Variants in ARHGAP24 observed in about 807,000 individuals in gnomAD.
ARHGAP24 encodes rho GTPase-activating protein 24.
In ARHGAP24, 50 loss-of-function variants were observed where a neutral mutation model predicts 76.4. That is an observed-to-expected ratio of 0.65 (90% CI 0.52 to 0.83). ARHGAP24 has a LOEUF of 0.83. Among genes scored for constraint, ARHGAP24 ranks in the 40% least tolerant of loss-of-function variants. The pLI, the probability that ARHGAP24 is intolerant of heterozygous loss-of-function variation, is 0.00. For synonymous variants in ARHGAP24, 345 were observed against 323.3 expected (o/e 1.07, Z -0.72); for missense variants, 930 against 914.2 (o/e 1.02, Z -0.22).
In ARHGAP24 at chr4:85,737,401, A is replaced by G. The variant is rs994876373; in HGVS notation, c.268+15429A>G. On this transcript the variant is annotated intron_variant, in intron 3 of 9. Coordinates refer to ENST00000395184, the MANE Select transcript of ARHGAP24 (RefSeq NM_001025616.3). ...AACACAAAGCCTCAAAGCCATCACT[A>G]TACTACTGTTGGGATGACTCTTAAT... is the stretch of plus-strand genomic sequence containing the variant. 2.6e-5 allele frequency among the ~76,000 whole-genome samples: 4 copies of G among 152,164 alleles called. 1 individual carries two copies. Among genetic ancestry groups the G allele is most frequent in the Admixed American group, 2.6e-4 (4 of 15,276 alleles).
At chr4:85,755,248 G>A (rs1251655908) in intron 3 of ARHGAP24, among the ~76,000 whole-genome samples, 3 of 152,098 alleles carry the variant, frequency 2.0e-5, no homozygotes, top group African/African-American at 7.2e-5. Context: ...TACTTATGGG[G>A]ACAATTCTCC....
chr4:85,962,287 A>T (rs1738304951), intron 5 of ARHGAP24, among the ~76,000 whole-genome samples: 1 of 152,098 alleles, frequency 6.6e-6, no homozygotes, highest in South Asian at 2.1e-4. Context: ...AGGTTAGGAA[A>T]ATAGTGTACC....
chr4:85,514,757 A>G (rs534204748), intron 1 of ARHGAP24, among the ~76,000 whole-genome samples: 2 of 130,592 alleles, frequency 1.5e-5, no homozygotes, highest in Admixed American at 9.9e-5. Context: ...CACTTGTCCC[A>G]CTTGCCCAAC....
Position 86,000,977 on chromosome 4 carries a change from G to A in ARHGAP24, c.*255G>A. 1.9e-6 allele frequency: 1 copy of A among 515,726 alleles called. No individual in the cohort carries two copies. Among genetic ancestry groups the A allele is most frequent in the East Asian group, 3.2e-5 (1 of 31,448 alleles). The allele number at this position is 515,726 out of a possible 1,614,324, so 31.9% of individuals were successfully genotyped here. On this transcript the variant is annotated 3_prime_UTR_variant, in exon 10 of 10. Coordinates refer to ENST00000395184, the MANE Select transcript of ARHGAP24 (RefSeq NM_001025616.3). ...TTTTTCAAAAGTAAACTAAAAATGAGAAGCATATTTCAAGAATTATTTTAT... is the reference window on the plus strand; with the variant it reads ...TTTTTCAAAAGTAAACTAAAAATGAAAAGCATATTTCAAGAATTATTTTAT...
At chr4:85,863,691 G>T (rs1732028548) in intron 3 of ARHGAP24, among the ~76,000 whole-genome samples, 1 of 152,164 alleles carries the variant, frequency 6.6e-6, no homozygotes, top group Admixed American at 6.6e-5. Flanking sequence ...GTAACTTTTA[G>T]TGTTAATTAA....
At chr4:85,998,538 C>CA (rs1488222614) in intron 9 of ARHGAP24, among the ~76,000 whole-genome samples, 5 of 151,906 alleles carry the variant, frequency 3.3e-5, no homozygotes, top group Non-Finnish European at 7.4e-5. Flanking sequence ...TTCATCTTCC[C>CA]ACCTTCTCAA....
Position 86,000,681 on chromosome 4 carries a change from C to T in ARHGAP24, c.2206C>T (p.Pro736Ser). 6.2e-7 allele frequency: 1 copy of T among 1,613,884 alleles called. No individual in the cohort carries two copies. The highest frequency in any genetic ancestry group is 8.5e-7 in the Non-Finnish European group (1 of 1,179,914). Residue 736 changes from proline to serine, a missense_variant, in exon 10 of 10, where the codon CCC (proline) becomes TCC (serine). Physicochemically the swap from Pro to Ser is moderately conservative, Grantham distance 74. Transcript: ENST00000395184. ...FSTFGELTVE[P>S]RRTERGNTIW... ...CACGTTTGGAGAACTGACAGTGGAACCCAGGAGAACCGAGAGAGGAAACAC... is the reference window on the plus strand; with the variant it reads ...CACGTTTGGAGAACTGACAGTGGAATCCAGGAGAACCGAGAGAGGAAACAC...
intron 1 of ARHGAP24, among the ~76,000 whole-genome samples, chr4:85,562,196 A>T (rs1351230092): frequency 6.6e-6 from 1 of 152,236 alleles, no homozygotes; most frequent in African/African-American, 2.4e-5. Context: ...TTTCTAAAAG[A>T]AAATGCTAAT....
intron 3 of ARHGAP24, among the ~76,000 whole-genome samples, chr4:85,767,414 C>T (rs1039859851): frequency 3.3e-5 from 5 of 152,108 alleles, no homozygotes; most frequent in African/African-American, 1.2e-4. Flanking sequence ...GACATACATA[C>T]ACCTCACACA....
intron 3 of ARHGAP24, among the ~76,000 whole-genome samples, chr4:85,796,552 TG>T (rs1164410401): frequency 6.6e-6 from 1 of 152,148 alleles, no homozygotes. Flanking sequence ...CGTATCAATC[TG>T]GGTCCAATCA....
chr4:85,624,720 G>T (rs537982389), intron 2 of ARHGAP24, among the ~76,000 whole-genome samples: 36 of 152,026 alleles, frequency 2.4e-4, no homozygotes, highest in Non-Finnish European at 4.1e-4. Context: ...TTTTTGGTTG[G>T]TAAGCTATTG....
At chr4:85,602,137 T>C (rs1720050254) in intron 2 of ARHGAP24, among the ~76,000 whole-genome samples, 1 of 152,206 alleles carries the variant, frequency 6.6e-6, no homozygotes, top group Non-Finnish European at 1.5e-5. Context: ...CAGAATTTTA[T>C]CTTTTTTAAT....
chr4:85,492,843 G>T (rs1386446928), intron 1 of ARHGAP24, among the ~76,000 whole-genome samples: 3 of 152,064 alleles, frequency 2.0e-5, no homozygotes, highest in Non-Finnish European at 4.4e-5. Context: ...TAACTAATCT[G>T]TAGTTGTTAT....
At chr4:85,821,101 A>T (rs1325554229) in intron 3 of ARHGAP24, among the ~76,000 whole-genome samples, 1 of 152,154 alleles carries the variant, frequency 6.6e-6, no homozygotes, top group African/African-American at 2.4e-5. Flanking sequence ...GTGTACTATG[A>T]CTACAACCAC....
chr4:85,942,186 A>G lies in ARHGAP24; in HGVS notation c.512A>G (p.Glu171Gly). 6.2e-7 allele frequency: 1 copy of G among 1,614,106 alleles called. No individual in the cohort carries two copies. Among genetic ancestry groups the G allele is most frequent in the Non-Finnish European group, 8.5e-7 (1 of 1,180,010 alleles). ...ATCCGACAAAGGGGGCTGAAAGAAG[A>G]GGGTCTCTTTCGACTGCCAGGCCAG... ...DFIRQRGLKE[E>G]GLFRLPGQAN... The change falls in exon 5 of 10, where the codon GAG becomes GGG. Residue 171 changes from glutamate (E) to glycine (G), a missense_variant. Transcript: ENST00000395184.
intron 3 of ARHGAP24, among the ~76,000 whole-genome samples, chr4:85,849,507 G>T (rs1257874761): frequency 6.6e-6 from 1 of 152,088 alleles, no homozygotes; most frequent in African/African-American, 2.4e-5. Flanking sequence ...GGTGAGAGAG[G>T]GCATCCCTGT....
At chr4:85,833,600 A>G (rs1730109434) in intron 3 of ARHGAP24, among the ~76,000 whole-genome samples, 1 of 152,220 alleles carries the variant, frequency 6.6e-6, no homozygotes, top group African/African-American at 2.4e-5. Context: ...ACAGAACTTC[A>G]AAAGCCTGAA....
intron 1 of ARHGAP24, among the ~76,000 whole-genome samples, chr4:85,496,856 CT>C (rs1251387615): frequency 9.2e-5 from 14 of 152,166 alleles, no homozygotes; most frequent in Admixed American, 9.2e-4. Flanking sequence ...AAAGTCTATC[CT>C]TTCTGAGAAA....
chr4:85,733,903 T>A (rs1725508882), intron 3 of ARHGAP24, among the ~76,000 whole-genome samples: 1 of 152,206 alleles, frequency 6.6e-6, no homozygotes, highest in Non-Finnish European at 1.5e-5. Flanking sequence ...GTATGTATTT[T>A]GGGGAAACAC....
Sources: gnomAD v4.1 joint callset for allele counts (sites outside exome capture counted in the v4.1 genomes callset) on GRCh38, gnomAD v4.1.1 for gene constraint, MANE v1.5 for transcripts, NCBI Gene and HGNC (gene_info 2026-07-23, HGNC 2026-07-21) for gene names.